Variants in PPFIA1 observed in about 807,000 individuals in gnomAD.
PPFIA1 encodes the protein liprin-alpha-1.
A neutral mutation model predicts 149.9 loss-of-function variants in PPFIA1; 25 were observed. That is an observed-to-expected ratio of 0.17 (90% CI 0.12 to 0.23). The LOEUF (loss-of-function observed/expected upper bound fraction) is 0.23, where lower values mean the gene tolerates loss of function less well. Among genes scored for constraint, PPFIA1 ranks in the 10% least tolerant of loss-of-function variants. The pLI is 1.00. For missense variants in PPFIA1, 1,362 were observed against 1,506.5 expected (o/e 0.90, Z 1.59); for synonymous variants, 549 against 552.8 (o/e 0.99, Z 0.10).
intron 2 of PPFIA1, among the ~76,000 whole-genome samples, chr11:70,290,212 A>C (rs770020990): frequency 3.8e-4 from 58 of 151,406 alleles, no homozygotes; most frequent in Non-Finnish European, 7.1e-4. Context: ...CCTGGGTGAT[A>C]GAGCAAAACC....
intron 2 of PPFIA1, among the ~76,000 whole-genome samples, chr11:70,296,738 AGAGG>A (rs1275426522): frequency 1.4e-5 from 1 of 72,354 alleles, no homozygotes. Context: ...AGGGAGAGGG[AGAGG>A]GAGAGAGGGA....
At chr11:70,292,439 C>T (rs2051599110) in intron 2 of PPFIA1, among the ~76,000 whole-genome samples, 1 of 152,236 alleles carries the variant, frequency 6.6e-6, no homozygotes, top group Non-Finnish European at 1.5e-5. Context: ...GGCTTGGAGC[C>T]AGCTGGACTC....
chr11:70,365,335 T>C (rs1240138374), intron 21 of PPFIA1: 1 of 454,716 alleles, frequency 2.2e-6, no homozygotes, highest in Non-Finnish European at 4.4e-6. Context: ...ACTGCTTCCC[T>C]TGCCCTGGAT....
chr11:70,282,833 CTTT>C (rs59308854), intron 2 of PPFIA1, among the ~76,000 whole-genome samples: 11 of 71,880 alleles, frequency 1.5e-4, no homozygotes, highest in African/African-American at 5.4e-4. Flanking sequence ...CCGTGCCTGG[CTTT>C]TTTTTTTTTT....
chr11:70,296,398 C>T (rs2052021179), intron 2 of PPFIA1, among the ~76,000 whole-genome samples: 1 of 152,150 alleles, frequency 6.6e-6, no homozygotes. Context: ...CACCATTGAG[C>T]ACTGAGTGAA....
chr11:70,282,517 G>GTTT (rs2050818549), intron 2 of PPFIA1: 1 of 111,278 alleles, frequency 9.0e-6, no homozygotes, highest in African/African-American at 3.7e-5. Flanking sequence ...TTTGAGTGCT[G>GTTT]ATTTTTTTTT....
intron 23 of PPFIA1, among the ~76,000 whole-genome samples, chr11:70,373,008 G>A (rs891540144): frequency 5.3e-5 from 8 of 152,178 alleles, no homozygotes; most frequent in East Asian, 3.9e-4. Flanking sequence ...TTCTGCTCCC[G>A]GAGGGGAAGG....
At chr11:70,373,674 T>C (rs1428743026) in intron 23 of PPFIA1, 4 of 152,268 alleles carry the variant, frequency 2.6e-5, no homozygotes, top group Non-Finnish European at 5.9e-5. Flanking sequence ...GGTGGTGTTC[T>C]AAGTACTCAG....
At chr11:70,326,964 A>G in intron 7 of PPFIA1, 146 bp downstream of exon 7, 1 of 721,664 alleles carries the variant, frequency 1.4e-6, no homozygotes, top group Non-Finnish European at 2.2e-6. Flanking sequence ...TGAAAAAGAG[A>G]GAGTGCTGTG....
At chr11:70,381,539 C>T (rs2057711289) in intron 26 of PPFIA1, among the ~76,000 whole-genome samples, 1 of 152,226 alleles carries the variant, frequency 6.6e-6, no homozygotes, top group Non-Finnish European at 1.5e-5. Flanking sequence ...TGCTCTGCTC[C>T]TCCCCAGGAG....
Position 70,354,310 on chromosome 11 carries a change from TC to T in PPFIA1, c.2175del (p.Arg726GlufsTer11). ...TTCTCTCACCCCTCAGTTGCCACCT[TC>T]CAGAGAAGAGGTACGAGATGACAAG... ...RLGVMTLLPP[S>X]REEVRDDKTT... On this transcript the variant is annotated frameshift_variant, in exon 17 of 28. Coordinates refer to ENST00000253925, the MANE Select transcript of PPFIA1 (RefSeq NM_003626.5). LOFTEE classifies it high-confidence loss of function. 1 of 1,612,890 alleles carries T rather than the reference TC, an allele frequency of 6.2e-7. No individual in the cohort carries two copies. Among genetic ancestry groups the T allele is most frequent in the Non-Finnish European group, 8.5e-7 (1 of 1,179,530 alleles).
chr11:70,338,563 C>A, intron 13 of PPFIA1, 110 bp downstream of exon 13: 2 of 819,018 alleles, frequency 2.4e-6, no homozygotes, highest in South Asian at 1.6e-5. Context: ...CTCAAGGAGC[C>A]TGTAGCTTAG....
intron 21 of PPFIA1, among the ~76,000 whole-genome samples, chr11:70,369,447 G>C (rs970927168): frequency 6.6e-6 from 1 of 152,082 alleles, no homozygotes; most frequent in African/African-American, 2.4e-5. Flanking sequence ...TTACATCTTT[G>C]GTTTTGCTCT....
chr11:70,343,287 C>T (rs566988946), intron 14 of PPFIA1, among the ~76,000 whole-genome samples: 5 of 152,228 alleles, frequency 3.3e-5, no homozygotes, highest in Non-Finnish European at 5.9e-5. Context: ...CCCTGCTGAT[C>T]TGTCCAACAC....
intron 25 of PPFIA1, among the ~76,000 whole-genome samples, 184 bp from the exon 26 acceptor site, chr11:70,377,846 A>G (rs757897309): frequency 6.6e-6 from 1 of 152,156 alleles, no homozygotes; most frequent in East Asian, 1.9e-4. Context: ...GACCATCACC[A>G]TGCCCCGTTT....
At chr11:70,335,100 T>A (rs563161447) in intron 10 of PPFIA1, among the ~76,000 whole-genome samples, 1 of 152,342 alleles carries the variant, frequency 6.6e-6, no homozygotes, top group Non-Finnish European at 1.5e-5. Flanking sequence ...AGAAAAAATA[T>A]GAAGGTCTCT....
At chr11:70,333,165 A>C (rs2054770153) in intron 9 of PPFIA1, 5 of 511,388 alleles carry the variant, frequency 9.8e-6, no homozygotes, top group Non-Finnish European at 1.9e-5. Context: ...TACTAACCAG[A>C]AGCAGTCCAA....
In PPFIA1 at chr11:70,277,058, A is replaced by G. The variant is rs867285487; in HGVS notation, c.264+4622A>G. ...TTGAGATATATATATATATATATAT[A>G]TATTTTTTTTTTTCCAGGCACAGTC... is the stretch of plus-strand genomic sequence containing the variant. On this transcript the variant is annotated intron_variant, in intron 2 of 27. Transcript: ENST00000253925. Among the ~76,000 whole-genome samples the G allele has an allele frequency of 5.7e-5, 3 of 52,540 alleles. No homozygotes were observed. The East Asian group carries it at 1.7e-3, about 30-fold the overall frequency. 34.5% of individuals were successfully genotyped at this position (52,540 alleles called of 152,430 possible).
intron 2 of PPFIA1, among the ~76,000 whole-genome samples, chr11:70,309,645 A>G (rs1565376251): frequency 2.0e-5 from 3 of 152,104 alleles, no homozygotes; most frequent in East Asian, 3.8e-4. Context: ...AAAAAAAAAA[A>G]GTTTTCCAAA....
Sources: allele counts gnomAD v4.1 joint callset (sites outside exome capture counted in the v4.1 genomes callset), GRCh38; gene constraint gnomAD v4.1.1; transcripts MANE v1.5; gene names NCBI Gene and HGNC (gene_info 2026-07-23, HGNC 2026-07-21).